Variants in RARB observed in about 807,000 individuals in gnomAD.
RARB encodes the protein retinoic acid receptor beta, also known as HBV-activated protein.
Under a neutral mutation model 51.9 loss-of-function variants are expected in RARB, and 17 were observed. The observed-to-expected ratio is 0.33, with a 90% CI of 0.22 to 0.49. The LOEUF (loss-of-function observed/expected upper bound fraction) is 0.49, where lower values mean the gene tolerates loss of function less well. RARB is among the 20% of genes least tolerant of loss of function. The pLI, the probability that RARB is intolerant of heterozygous loss-of-function variation, is 0.99. For missense variants in RARB, 369 were observed against 550.8 expected (o/e 0.67, Z 3.30); for synonymous variants, 215 against 195.4 (o/e 1.10, Z -0.84).
At chr3:25,376,208 G>T (rs924147457) in intron 5 of RARB, among the ~76,000 whole-genome samples, 1 of 152,044 alleles carries the variant, frequency 6.6e-6, no homozygotes, top group Non-Finnish European at 1.5e-5. Flanking sequence ...CTCTACTTTG[G>T]ATATCTTACC....
intron 5 of RARB, among the ~76,000 whole-genome samples, chr3:25,407,055 C>T (rs2125498199): frequency 6.6e-6 from 1 of 152,308 alleles, no homozygotes; most frequent in South Asian, 2.1e-4. Context: ...ATTTTTACCA[C>T]CCACAAATTT....
At chr3:25,512,871 C>T (rs1187380593) in intron 3 of RARB, among the ~76,000 whole-genome samples, 6 of 152,188 alleles carry the variant, frequency 3.9e-5, no homozygotes, top group Admixed American at 1.3e-4. Flanking sequence ...GAAAACTCAT[C>T]GCACAGAAGG....
At chr3:25,163,501 C>CAAA (rs1385452358) in intron 4 of RARB, among the ~76,000 whole-genome samples, 183 of 78,674 alleles carry the variant, frequency 2.3e-3, no homozygotes, top group Non-Finnish European at 2.3e-3. Context: ...GACCCTATCT[C>CAAA]AAAATATATA....
chr3:25,142,215 T>C (rs1044254281), intron 4 of RARB, among the ~76,000 whole-genome samples: 4 of 152,128 alleles, frequency 2.6e-5, no homozygotes, highest in Admixed American at 2.6e-4. Flanking sequence ...GCACCTGTAG[T>C]CCCAGCTACT....
intron 4 of RARB, among the ~76,000 whole-genome samples, chr3:25,577,405 A>G (rs1575535378): frequency 6.6e-6 from 1 of 152,196 alleles, no homozygotes; most frequent in East Asian, 1.9e-4. Flanking sequence ...AACATACAAA[A>G]TGCAGGAATT....
chr3:25,473,177 T>C (rs906507123), intron 2 of RARB, among the ~76,000 whole-genome samples: 16 of 152,206 alleles, frequency 1.1e-4, no homozygotes, highest in African/African-American at 3.9e-4. Context: ...TTTTAGGAAC[T>C]ATGTCTTTTT....
intron 2 of RARB, among the ~76,000 whole-genome samples, chr3:25,461,730 C>G (rs548444974): frequency 6.6e-6 from 1 of 152,260 alleles, no homozygotes; most frequent in Admixed American, 6.5e-5. Context: ...CTCATCTCTA[C>G]TAAAAATACA....
At chr3:24,955,897 T>A (rs1696004287) in intron 2 of RARB, among the ~76,000 whole-genome samples, 1 of 152,116 alleles carries the variant, frequency 6.6e-6, no homozygotes, top group Admixed American at 6.5e-5. Context: ...AGGTAAAATA[T>A]CTCTCTGGGC....
At chr3:24,894,407 C>T (rs577404694) in intron 2 of RARB, among the ~76,000 whole-genome samples, 10 of 152,116 alleles carry the variant, frequency 6.6e-5, no homozygotes, top group Non-Finnish European at 1.0e-4. Flanking sequence ...AGGATAATGA[C>T]CTCCAGCTTC....
intron 5 of RARB, among the ~76,000 whole-genome samples, chr3:25,396,695 G>A (rs1405900409): frequency 6.6e-6 from 1 of 152,114 alleles, no homozygotes; most frequent in Non-Finnish European, 1.5e-5. Flanking sequence ...GACTCTCTTT[G>A]GGTGGGGTTT....
intron 5 of RARB, among the ~76,000 whole-genome samples, chr3:25,179,344 T>A (rs1700817943): frequency 6.6e-6 from 1 of 152,200 alleles, no homozygotes; most frequent in Non-Finnish European, 1.5e-5. Flanking sequence ...ATCCAACTCA[T>A]TAATTTCTAC....
rs530720895 is a variant in RARB, at chr3:25,106,165, C to A, written c.-327-25996C>A. Among the ~76,000 whole-genome samples, 126 of 142,056 alleles carry A rather than the reference C, an allele frequency of 8.9e-4. 1 individual carries two copies. Among genetic ancestry groups the A allele is most frequent in the Admixed American group, 1.5e-3 (21 of 13,662 alleles). The allele number at this position is 142,056 out of a possible 152,430, so 93.2% of individuals were successfully genotyped here. On this transcript the variant is annotated intron_variant, in intron 3 of 11. Transcript: ENST00000383772. Reference sequence around the variant, plus strand: ...GTGCATTAAAAAATGAAGGCTGTTCCTGATACTCTGTATTGTATCAAGCCT... The same window carrying A: ...GTGCATTAAAAAATGAAGGCTGTTCATGATACTCTGTATTGTATCAAGCCT...
At chr3:25,423,212 AAC>A (rs570751602) in intron 5 of RARB, among the ~76,000 whole-genome samples, 5 of 152,222 alleles carry the variant, frequency 3.3e-5, no homozygotes, top group African/African-American at 4.8e-5. Context: ...TTGTTCTGGT[AAC>A]ACCGCTACTA....
chr3:25,011,230 T>C, intron 2 of RARB, among the ~76,000 whole-genome samples: 1 of 152,080 alleles, frequency 6.6e-6, no homozygotes, highest in East Asian at 1.9e-4. Context: ...GAGTGAATGA[T>C]GTAGTACCAT....
chr3:25,300,902 CAGG>C (rs1243904344), intron 5 of RARB, among the ~76,000 whole-genome samples: 1 of 152,200 alleles, frequency 6.6e-6, no homozygotes, highest in East Asian at 1.9e-4. Context: ...GAGGCTGATG[CAGG>C]AGAATTGCTT....
intron 2 of RARB, among the ~76,000 whole-genome samples, chr3:25,044,233 C>T (rs1201443780): frequency 1.3e-5 from 2 of 152,134 alleles, no homozygotes; most frequent in South Asian, 2.1e-4. Flanking sequence ...CTAATGACAG[C>T]TGCAACATTT....
At chr3:25,078,912 C>T (rs528795333) in intron 3 of RARB, among the ~76,000 whole-genome samples, 126 of 152,190 alleles carry the variant, frequency 8.3e-4, no homozygotes, top group South Asian at 1.9e-3. Flanking sequence ...ATCAGCTTGT[C>T]GAACTCTACA....
chr3:25,032,168 A>G (rs9869567), intron 2 of RARB, among the ~76,000 whole-genome samples: 110,132 of 152,130 alleles, frequency 0.72, 40,354 homozygotes, highest in East Asian at 0.93. Flanking sequence ...CTACTATAGT[A>G]GCCAGTGTTG....
chr3:25,110,381 G>T (rs374897604), intron 3 of RARB, among the ~76,000 whole-genome samples: 1 of 152,176 alleles, frequency 6.6e-6, no homozygotes, highest in Non-Finnish European at 1.5e-5. Flanking sequence ...TTACAAATGA[G>T]GAAACTCAAT....
Sources: allele counts gnomAD v4.1 joint callset (sites outside exome capture counted in the v4.1 genomes callset), GRCh38; gene constraint gnomAD v4.1.1; transcripts MANE v1.5; gene names NCBI Gene and HGNC (gene_info 2026-07-23, HGNC 2026-07-21).